Variants in XRCC4 observed in about 807,000 individuals in gnomAD.
XRCC4 encodes the protein X-ray repair cross complementing 4.
In XRCC4, 28 loss-of-function variants were observed where a neutral mutation model predicts 39.1. That is an observed-to-expected ratio of 0.72 (90% CI 0.53 to 0.98). The LOEUF is 0.98. Among genes scored for constraint, XRCC4 ranks in the 50% least tolerant of loss-of-function variants. The pLI is 0.00. For synonymous variants in XRCC4, 123 were observed against 126.4 expected (o/e 0.97, Z 0.18); for missense variants, 350 against 376.4 (o/e 0.93, Z 0.58).
intron 3 of XRCC4, among the ~76,000 whole-genome samples, chr5:83,161,304 G>A (rs780682680): frequency 5.3e-5 from 8 of 151,890 alleles, no homozygotes; most frequent in East Asian, 3.9e-4. Context: ...TTTGATTTTC[G>A]TATTTTTAGT....
intron 6 of XRCC4, among the ~76,000 whole-genome samples, chr5:83,214,703 G>C (rs1237986754): frequency 1.3e-5 from 2 of 151,860 alleles, no homozygotes; most frequent in African/African-American, 2.4e-5. Flanking sequence ...CGGGCATCGT[G>C]TGGGCGCCTG....
the XRCC4 span, among the ~76,000 whole-genome samples, chr5:83,372,348 T>C: frequency 6.6e-6 from 1 of 152,144 alleles, no homozygotes; most frequent in Non-Finnish European, 1.5e-5. Flanking sequence ...AGAAAATATT[T>C]TCAGTAAACA....
intron 7 of XRCC4, among the ~76,000 whole-genome samples, chr5:83,352,358 A>T (rs1010339148): frequency 2.0e-5 from 3 of 152,224 alleles, no homozygotes; most frequent in African/African-American, 7.2e-5. Flanking sequence ...ATAGAGAACC[A>T]CTGACAAGGT....
intron 4 of XRCC4, chr5:83,201,628 G>C (rs1385588254): frequency 6.6e-6 from 1 of 152,340 alleles, no homozygotes; most frequent in Admixed American, 6.5e-5. Context: ...TCCGAGAAGA[G>C]AGACAGCTAC....
At chr5:83,244,031 A>G (rs1286852976) in intron 6 of XRCC4, among the ~76,000 whole-genome samples, 2 of 152,222 alleles carry the variant, frequency 1.3e-5, no homozygotes, top group African/African-American at 2.4e-5. Flanking sequence ...TCTTTCAAAT[A>G]TAATGTGCAA....
intron 3 of XRCC4, among the ~76,000 whole-genome samples, chr5:83,138,284 A>G (rs565067485): frequency 1.3e-5 from 2 of 152,160 alleles, no homozygotes; most frequent in South Asian, 2.1e-4. Flanking sequence ...GAAGTGCACT[A>G]TAAATAACAT....
At chr5:83,227,231 T>G (rs748348866) in intron 6 of XRCC4, among the ~76,000 whole-genome samples, 1 of 152,118 alleles carries the variant, frequency 6.6e-6, no homozygotes, top group African/African-American at 2.4e-5. Context: ...GTCAGATACT[T>G]AAACGTAGTA....
chr5:83,328,834 T>C (rs890531361), intron 7 of XRCC4, among the ~76,000 whole-genome samples: 51 of 152,240 alleles, frequency 3.3e-4, no homozygotes, highest in African/African-American at 1.2e-3. Flanking sequence ...CTCATGCATA[T>C]ATACAAATTT....
intron 7 of XRCC4, among the ~76,000 whole-genome samples, chr5:83,323,469 AC>A (rs1273123117): frequency 6.6e-6 from 1 of 152,128 alleles, no homozygotes; most frequent in Non-Finnish European, 1.5e-5. Flanking sequence ...TATCAACAGT[AC>A]CATACTTTAA....
intron 6 of XRCC4, among the ~76,000 whole-genome samples, chr5:83,255,814 A>G (rs924227962): frequency 1.6e-4 from 25 of 152,202 alleles, no homozygotes; most frequent in African/African-American, 6.0e-4. Context: ...CTGAGCAGGA[A>G]TGATGATTCT....
intron 3 of XRCC4, among the ~76,000 whole-genome samples, chr5:83,149,940 CT>C (rs1172413040): frequency 6.6e-6 from 1 of 152,018 alleles, no homozygotes; most frequent in Non-Finnish European, 1.5e-5. Context: ...TGACTCAGTG[CT>C]TGATCTAAGT....
In XRCC4 at chr5:83,078,660, C is replaced by T. The variant is rs28383126; in HGVS notation, c.-11+1045C>T. On this transcript the variant is annotated intron_variant, in intron 1 of 7. Transcript: ENST00000396027. ...ACTATAACTAACTTGATATTTGAGT[C>T]TGTTATATTGAATTGTCAAGAGTTG... Among the ~76,000 whole-genome samples, 770 of 152,322 alleles carry T rather than the reference C, an allele frequency of 5.1e-3. 8 individuals are homozygous for T. The highest frequency in any genetic ancestry group is 0.017 in the African/African-American group (719 of 41,562).
At chr5:83,271,181 AT>A (rs1438894479) in intron 7 of XRCC4, among the ~76,000 whole-genome samples, 4 of 152,056 alleles carry the variant, frequency 2.6e-5, no homozygotes, top group Non-Finnish European at 5.9e-5. Context: ...TGCCTTTGGC[AT>A]TTTTTGAAAC....
At chr5:83,285,703 G>C (rs1378056904) in intron 7 of XRCC4, among the ~76,000 whole-genome samples, 1 of 152,078 alleles carries the variant, frequency 6.6e-6, no homozygotes, top group South Asian at 2.1e-4. Context: ...ATCGGTCAAG[G>C]GGGGGTTGTT....
At chr5:83,305,233 T>C (rs1227260263) in intron 7 of XRCC4, among the ~76,000 whole-genome samples, 1 of 152,182 alleles carries the variant, frequency 6.6e-6, no homozygotes, top group Non-Finnish European at 1.5e-5. Context: ...TTTACTACAA[T>C]TAGTGAACCA....
rs149239785 is a variant in XRCC4, at chr5:83,190,051, G to A, written c.316-5719G>A. ...TGCACTCCAGCCTGCGTGACAGAGCGAGAATCTGTCTCAAAAAAATAAAAT... is the reference window on the plus strand; with the variant it reads ...TGCACTCCAGCCTGCGTGACAGAGCAAGAATCTGTCTCAAAAAAATAAAAT... On this transcript the variant is annotated intron_variant, in intron 3 of 7. Coordinates refer to ENST00000396027, the MANE Select transcript of XRCC4 (RefSeq NM_003401.5). Among the ~76,000 whole-genome samples the A allele has an allele frequency of 5.4e-3, 824 of 152,150 alleles. 7 individuals carry two copies. The highest frequency in any genetic ancestry group is 0.019 in the African/African-American group (790 of 41,518).
intron 7 of XRCC4, chr5:83,280,538 G>T: frequency 1.6e-6 from 1 of 623,714 alleles, no homozygotes; most frequent in Non-Finnish European, 2.8e-6. Context: ...CTGACATTCT[G>T]CACAGGCCCC....
intron 3 of XRCC4, among the ~76,000 whole-genome samples, chr5:83,129,954 T>A (rs1018524052): frequency 1.3e-5 from 2 of 152,152 alleles, no homozygotes; most frequent in African/African-American, 4.8e-5. Context: ...TTGAATACCC[T>A]TTATTTCCTT....
chr5:83,253,009 A>G (rs1220296696), intron 6 of XRCC4, among the ~76,000 whole-genome samples: 2 of 152,176 alleles, frequency 1.3e-5, no homozygotes, highest in Non-Finnish European at 2.9e-5. Context: ...GTATAAGATG[A>G]GTGATTCAAA....
Sources: allele counts gnomAD v4.1 joint callset (sites outside exome capture counted in the v4.1 genomes callset), GRCh38; gene constraint gnomAD v4.1.1; transcripts MANE v1.5; gene names NCBI Gene and HGNC (gene_info 2026-07-23, HGNC 2026-07-21).